The following SHROOM3 variants were observed in gnomAD, a reference collection of about 807,000 sequenced individuals.
SHROOM3 encodes the protein protein Shroom3.
Under a neutral mutation model 138.6 loss-of-function variants are expected in SHROOM3, and 47 were observed. The ratio of observed to expected loss-of-function variants is 0.34; its 90% CI spans 0.27 to 0.43. The LOEUF (loss-of-function observed/expected upper bound fraction) is 0.43, where lower values mean the gene tolerates loss of function less well. Ranked by LOEUF, SHROOM3 falls within the 20% of genes least tolerant of loss-of-function variation. The pLI, the probability that SHROOM3 is intolerant of heterozygous loss-of-function variation, is 1.00. For missense variants in SHROOM3, 2,491 were observed against 2,596.5 expected (o/e 0.96, Z 0.88); for synonymous variants, 1,062 against 1,063.3 (o/e 1.00, Z 0.02).
At chr4:76,737,582 C>G (rs201795803) in intron 4 of SHROOM3, among the ~76,000 whole-genome samples, 1 of 152,184 alleles carries the variant, frequency 6.6e-6, no homozygotes, top group East Asian at 1.9e-4. Flanking sequence ...CCCATCCTCA[C>G]CAGCATTTGG....
intron 1 of SHROOM3, among the ~76,000 whole-genome samples, chr4:76,517,640 T>TATAA (rs1732470677): frequency 6.7e-6 from 1 of 150,036 alleles, no homozygotes; most frequent in South Asian, 2.1e-4. Context: ...TATATATATA[T>TATAA]AAAGGGGATG....
intron 2 of SHROOM3, among the ~76,000 whole-genome samples, chr4:76,677,839 GT>G (rs1460434870): frequency 1.3e-5 from 2 of 152,192 alleles, no homozygotes; most frequent in Non-Finnish European, 2.9e-5. Flanking sequence ...GAGTAGAACA[GT>G]TTCCTGAACA....
At chr4:76,545,563 C>T (rs1372015564) in intron 1 of SHROOM3, among the ~76,000 whole-genome samples, 1 of 152,212 alleles carries the variant, frequency 6.6e-6, no homozygotes, top group Non-Finnish European at 1.5e-5. Context: ...AACCTATCTC[C>T]TCCTCTCAGC....
intron 1 of SHROOM3, among the ~76,000 whole-genome samples, chr4:76,480,496 TAGAGACCTACGA>T (rs201559440): frequency 0.078 from 11,880 of 152,172 alleles, 550 homozygotes; most frequent in South Asian, 0.18. Flanking sequence ...AGCAAGTTCT[TAGAGACCTACGA>T]AGAGACTTAG....
chr4:76,552,706 G>GTA (rs1237565162), intron 1 of SHROOM3, among the ~76,000 whole-genome samples: 1 of 151,304 alleles, frequency 6.6e-6, no homozygotes, highest in Non-Finnish European at 1.5e-5. Context: ...TGTAATATAT[G>GTA]TATATATATA....
chr4:76,555,872 C>T (rs1733474792), intron 2 of SHROOM3, 109 bp downstream of exon 2: 1 of 1,221,274 alleles, frequency 8.2e-7, no homozygotes. Flanking sequence ...TGGCTTTAAA[C>T]CTCCATGTAT....
intron 3 of SHROOM3, among the ~76,000 whole-genome samples, chr4:76,712,150 A>C (rs1315255792): frequency 6.6e-6 from 1 of 152,246 alleles, no homozygotes; most frequent in Non-Finnish European, 1.5e-5. Context: ...AGAAAGTAGT[A>C]GTTAGGGAGT....
chr4:76,575,807 T>C (rs558139493), intron 2 of SHROOM3, among the ~76,000 whole-genome samples: 5 of 152,290 alleles, frequency 3.3e-5, no homozygotes, highest in African/African-American at 9.6e-5. Context: ...AATGGAAAGA[T>C]ATTCCATGTT....
chr4:76,719,731 T>G (rs771443779), intron 3 of SHROOM3, among the ~76,000 whole-genome samples: 1 of 152,186 alleles, frequency 6.6e-6, no homozygotes, highest in Non-Finnish European at 1.5e-5. Context: ...TCCCTCTCTT[T>G]TATAGTAGTG....
In SHROOM3 at chr4:76,598,216, C is replaced by T. The variant is rs192961805; in HGVS notation, c.323+42453C>T. ...TAATTTTTTGTATTTTTAGTAGAGA[C>T]GGGGTTTCACCGTGTTAGCCAGGAT... is the stretch of plus-strand genomic sequence containing the variant. On this transcript the variant is annotated intron_variant, in intron 2 of 10. Coordinates refer to ENST00000296043, the MANE Select transcript of SHROOM3 (RefSeq NM_020859.4). Among the ~76,000 whole-genome samples the T allele has an allele frequency of 3.6e-4, 54 of 151,782 alleles. 1 individual carries two copies. The highest frequency in any genetic ancestry group is 2.4e-3 in the Admixed American group (37 of 15,242).
At chr4:76,628,455 G>A (rs1381282091) in intron 2 of SHROOM3, among the ~76,000 whole-genome samples, 1 of 152,158 alleles carries the variant, frequency 6.6e-6, no homozygotes, top group Non-Finnish European at 1.5e-5. Context: ...TGTGAACAAT[G>A]CTTAGTGAAC....
rs1266000463 is a variant in SHROOM3 at position 76,436,117 on chromosome 4, AG to A, written c.68del (p.Gly23GlufsTer20). 4.3e-6 allele frequency: 7 copies of A among 1,613,974 alleles called. No individual in the cohort carries two copies. The highest frequency in any genetic ancestry group is 2.7e-5 in the African/African-American group (2 of 74,924). ...SATLNSNTAT[K>X]GRYIYLEAFL... ...ACATTAAACTCTAACACGGCCACCA[AG>A]GGAAGGTACATTTATCTGGAGGCAT... On this transcript the variant is annotated frameshift_variant, in exon 1 of 11. Coordinates refer to ENST00000296043, the MANE Select transcript of SHROOM3 (RefSeq NM_020859.4). LOFTEE classifies it high-confidence loss of function.
At position 76,634,144 on chromosome 4, in the gene SHROOM3, T is replaced by C. The variant is rs147374382; in HGVS notation, c.324-76012T>C. Among the ~76,000 whole-genome samples, 194 of 152,306 alleles carry C rather than the reference T, an allele frequency of 1.3e-3. 3 individuals are homozygous for C. Among genetic ancestry groups the C allele is most frequent in the African/African-American group, 4.5e-3 (186 of 41,558 alleles). ...AATGAAAGTGTCACGTATGTACACT[T>C]TCCTTTTGGAAAGCATTTTGGTATT... On this transcript the variant is annotated intron_variant, in intron 2 of 10. Transcript: ENST00000296043.
chr4:76,639,724 G>T, intron 2 of SHROOM3: 1 of 397,404 alleles, frequency 2.5e-6, no homozygotes, highest in Non-Finnish European at 4.4e-6. Context: ...GGGCAAATGT[G>T]AAGACACCAC....
chr4:76,691,243 A>G (rs1389331709), intron 2 of SHROOM3, among the ~76,000 whole-genome samples: 2 of 152,162 alleles, frequency 1.3e-5, no homozygotes, highest in Non-Finnish European at 2.9e-5. Context: ...ACTTCCCTGG[A>G]GATTTTAAGA....
intron 10 of SHROOM3, among the ~76,000 whole-genome samples, chr4:76,775,468 A>G (rs947155015): frequency 6.6e-6 from 1 of 152,240 alleles, no homozygotes; most frequent in South Asian, 2.1e-4. Context: ...TAGTACAACC[A>G]CTATGGAAAA....
intron 2 of SHROOM3, among the ~76,000 whole-genome samples, chr4:76,694,543 G>A (rs1210099067): frequency 6.6e-6 from 1 of 152,194 alleles, no homozygotes; most frequent in Non-Finnish European, 1.5e-5. Flanking sequence ...AGGCAATTGA[G>A]TACAGTGGAA....
intron 1 of SHROOM3, among the ~76,000 whole-genome samples, chr4:76,486,291 G>C (rs1303863296): frequency 2.0e-5 from 3 of 152,224 alleles, no homozygotes; most frequent in Non-Finnish European, 4.4e-5. Flanking sequence ...TGAAAAGAAT[G>C]TTTAAAATGT....
At chr4:76,749,222 T>A in intron 6 of SHROOM3, 132 bp downstream of exon 6, 1 of 822,102 alleles carries the variant, frequency 1.2e-6, no homozygotes, top group Non-Finnish European at 1.9e-6. Context: ...GTCTAGGCCA[T>A]GGATAACTTT....
Sources: allele counts gnomAD v4.1 joint callset (sites outside exome capture counted in the v4.1 genomes callset), GRCh38; gene constraint gnomAD v4.1.1; transcripts MANE v1.5; gene names NCBI Gene and HGNC (gene_info 2026-07-23, HGNC 2026-07-21).